The following GPR108 variants were observed in gnomAD, a reference collection of about 807,000 sequenced individuals.
GPR108 encodes the protein protein GPR108.
In GPR108, 60 loss-of-function variants were observed where a neutral mutation model predicts 74.3. The ratio of observed to expected loss-of-function variants is 0.81; its 90% CI spans 0.66 to 1.00. The LOEUF (loss-of-function observed/expected upper bound fraction) is 1.00, where lower values mean the gene tolerates loss of function less well. Among genes scored for constraint, GPR108 ranks in the 50% least tolerant of loss-of-function variants. The pLI is 0.00. For missense variants in GPR108, 667 were observed against 703.3 expected (o/e 0.95, Z 0.58); for synonymous variants, 311 against 292.4 (o/e 1.06, Z -0.65).
Position 6,731,921 on chromosome 19 carries a change from G to T in GPR108, c.1270C>A (p.Leu424Ile), listed in dbSNP as rs200134847. The T allele has an allele frequency of 3.7e-6, 6 of 1,612,892 alleles. No individual in the cohort carries two copies. The highest frequency in any genetic ancestry group is 5.1e-6 in the Non-Finnish European group (6 of 1,179,846). Residue 424 changes from leucine to isoleucine, a missense_variant, in exon 14 of 18, where the codon CTC becomes ATC. Coordinates refer to ENST00000264080, the MANE Select transcript of GPR108 (RefSeq NM_001080452.2). ...CCGTCTGTGCCAGACGCATCCTGGA[G>T]ATGCCGGATGGACCTGGGACAAGTG... ...LFPVVWSIRHLQDASGTDGKV... is the reference protein window; with the variant it reads ...LFPVVWSIRHIQDASGTDGKV...
chr19:6,733,744 G>A (rs1968518618), intron 7 of GPR108, 70 bp from the exon 8 acceptor site: 3 of 1,577,692 alleles, frequency 1.9e-6, no homozygotes, highest in Non-Finnish European at 2.6e-6. Flanking sequence ...TCAGCTTGGG[G>A]GTCCCATGGT....
intron 2 of GPR108, 37 bp from the exon 3 acceptor site, chr19:6,735,995 A>G: frequency 6.4e-7 from 1 of 1,570,362 alleles, no homozygotes; most frequent in Non-Finnish European, 8.7e-7. Context: ...GGTGTGAGGG[A>G]CAGTAGAGAC....
Position 6,730,980 on chromosome 19 carries a change from A to G in GPR108, c.1559+7T>C. 2.3e-6 allele frequency: 3 copies of G among 1,327,204 alleles called. No individual in the cohort carries two copies. The highest frequency in any genetic ancestry group is 3.0e-6 in the Non-Finnish European group (3 of 1,009,692). 82.2% of individuals were successfully genotyped at this position (1,327,204 alleles called of 1,614,324 possible). On this transcript the variant is annotated splice_region_variant and intron_variant, in intron 17 of 17. Coordinates refer to ENST00000264080, the MANE Select transcript of GPR108 (RefSeq NM_001080452.2). The stretch of plus-strand genomic sequence containing the variant: ...GCCGCCGGCCCTGCCCATGGTGCCC[A>G]GCTCACACTTGCTCCATCTGAACAT...
chr19:6,732,792 C>T, intron 10 of GPR108, 195 bp downstream of exon 10: 1 of 649,764 alleles, frequency 1.5e-6, no homozygotes, highest in Non-Finnish European at 2.8e-6. Context: ...AACCAAGGGA[C>T]AGTGGTGGAC....
intron 1 of GPR108, 190 bp from the exon 2 acceptor site, chr19:6,736,901 C>G: frequency 1.3e-6 from 1 of 741,842 alleles, no homozygotes; most frequent in African/African-American, 1.8e-5. Flanking sequence ...ATTCTCCGAC[C>G]TCTGTTCTGA....
Position 6,734,049 on chromosome 19 carries a change from T to A in GPR108, c.505A>T (p.Thr169Ser). Reference sequence around the variant, plus strand: ...GACTTGGGCTTGCTGGCTGCAGAGGTCCCTCCTGTAAGAGACCGGGCAGTG... The same window carrying A: ...GACTTGGGCTTGCTGGCTGCAGAGGACCCTCCTGTAAGAGACCGGGCAGTG... ...TVPRKVDGGG[T>S]SAASKPKSTP... The change falls in exon 6 of 18, where the codon ACC becomes TCC. Residue 169 changes from threonine (T) to serine (S), a missense_variant. Physicochemically the swap from Thr to Ser is moderately conservative, Grantham distance 58. Coordinates refer to ENST00000264080, the MANE Select transcript of GPR108 (RefSeq NM_001080452.2). 1 of 1,613,880 alleles carries A rather than the reference T, an allele frequency of 6.2e-7. No individual in the cohort carries two copies. The highest frequency in any genetic ancestry group is 8.5e-7 in the Non-Finnish European group (1 of 1,179,954).
Position 6,736,109 on chromosome 19 carries a change from G to C in GPR108, c.241-151C>G, listed in dbSNP as rs1968623958. ...CGCTCTTTTTCTTTTTTAGAGTTGG[G>C]GTGGTGGGTGGACCTCATTCTGTTT... On this transcript the variant is annotated intron_variant, in intron 2 of 17. Transcript: ENST00000264080. 5.7e-6 allele frequency: 4 copies of C among 698,092 alleles called. No homozygotes were observed. The East Asian group carries it at 1.1e-4, about 19-fold the overall frequency. The allele number at this position is 698,092 out of a possible 1,614,324, so 43.2% of individuals were successfully genotyped here.
intron 10 of GPR108, 83 bp from the exon 11 acceptor site, chr19:6,732,632 ACC>A (rs1968464710): frequency 1.9e-6 from 2 of 1,054,756 alleles, no homozygotes; most frequent in South Asian, 2.6e-5. Flanking sequence ...AGGAACACGG[ACC>A]GTCACCATCA....
Position 6,735,901 on chromosome 19 carries a change from C to T in GPR108, c.291+7G>A, listed in dbSNP as rs1236174575. 1 of 1,611,490 alleles carries T rather than the reference C, an allele frequency of 6.2e-7. No homozygotes were observed. The highest frequency in any genetic ancestry group is 8.5e-7 in the Non-Finnish European group (1 of 1,178,636). ...CTTCTCCCGTCTTCCCCATGCCCTC[C>T]ACTCACTGAATAGGAGCGAACTCTG... is the stretch of plus-strand genomic sequence containing the variant. On this transcript the variant is annotated splice_region_variant and intron_variant, in intron 3 of 17. Coordinates refer to ENST00000264080, the MANE Select transcript of GPR108 (RefSeq NM_001080452.2).
At position 6,734,221 on chromosome 19, in the gene GPR108, G is replaced by C. The variant is rs139348331; in HGVS notation, c.461C>G (p.Pro154Arg). The change falls in exon 5 of 18, where the codon CCG (proline) becomes CGG (arginine). Residue 154 changes from proline to arginine, a missense_variant. Pro to Arg is a moderately radical substitution (Grantham distance 103). Coordinates refer to ENST00000264080, the MANE Select transcript of GPR108 (RefSeq NM_001080452.2). ...LPEAPSKPGLPKPQATVPRKV... is the reference protein window; with the variant it reads ...LPEAPSKPGLRKPQATVPRKV... The stretch of plus-strand genomic sequence containing the variant: ...GCGGGGGACTGTGGCCTGTGGCTTC[G>C]GGAGCCCTGGTTTGGAGGGTGCTTC... 7 of 1,614,072 alleles carry C rather than the reference G, an allele frequency of 4.3e-6. No individual in the cohort carries two copies. The African/African-American group carries it at 5.3e-5, about 12-fold the overall frequency.
Position 6,732,561 on chromosome 19 carries a change from T to C in GPR108, c.934-12A>G, listed in dbSNP as rs779397447. ...AAGTAGTAGTTGATCTGGGGGTGGATGGACAGACGGACAGTGAGGCGCACA... is the reference window on the plus strand; with the variant it reads ...AAGTAGTAGTTGATCTGGGGGTGGACGGACAGACGGACAGTGAGGCGCACA... On this transcript the variant is annotated splice_polypyrimidine_tract_variant and intron_variant, in intron 10 of 17. Transcript: ENST00000264080. 3 of 1,608,636 alleles carry C rather than the reference T, an allele frequency of 1.9e-6. No individual in the cohort carries two copies. The highest frequency in any genetic ancestry group is 2.2e-5 in the East Asian group (1 of 44,788).
intron 17 of GPR108, chr19:6,730,703 G>GC: frequency 7.8e-6 from 1 of 128,728 alleles, no homozygotes; most frequent in South Asian, 7.4e-5. Context: ...CCTAGGCCCC[G>GC]CCCACCCCCG....
intron 8 of GPR108, 72 bp downstream of exon 8, chr19:6,733,498 G>T (rs1438203650): frequency 1.3e-6 from 2 of 1,489,088 alleles, no homozygotes; most frequent in Non-Finnish European, 1.9e-6. Context: ...AGCTAAGCGG[G>T]GTGAGGCACT....
intron 5 of GPR108, 55 bp downstream of exon 5, chr19:6,734,128 G>T: frequency 6.2e-7 from 1 of 1,614,198 alleles, no homozygotes; most frequent in East Asian, 2.2e-5. Flanking sequence ...GGCATGGGGA[G>T]TGCAAAGGGC....
chr19:6,736,173 C>T (rs915396949), intron 2 of GPR108, among the ~76,000 whole-genome samples: 9 of 152,162 alleles, frequency 5.9e-5, no homozygotes, highest in African/African-American at 1.4e-4. Flanking sequence ...TAGCTCACTA[C>T]AGCCTCGAAC....
rs539975734 is a variant in GPR108, at chr19:6,731,621, G to C, written c.1301-99C>G. The C allele has an allele frequency of 4.7e-4, 483 of 1,018,510 alleles. 2 individuals are homozygous for C. In the East Asian group the frequency reaches 9.4e-3, roughly 20 times the overall value. The allele number at this position is 1,018,510 out of a possible 1,614,324, so 63.1% of individuals were successfully genotyped here. A position where few individuals can be genotyped will look rare whatever the true frequency, so the allele number is the denominator to read the frequency against. On this transcript the variant is annotated intron_variant, in intron 14 of 17. Coordinates refer to ENST00000264080, the MANE Select transcript of GPR108 (RefSeq NM_001080452.2). ...AGAGGTGACAAACAGAACATCTGAGGGAGTGTCCAGGAGCAGCAAGTCTCG... is the reference window on the plus strand; with the variant it reads ...AGAGGTGACAAACAGAACATCTGAGCGAGTGTCCAGGAGCAGCAAGTCTCG...
intron 4 of GPR108, 102 bp from the exon 5 acceptor site, chr19:6,734,409 T>C (rs1436617780): frequency 3.5e-6 from 4 of 1,150,176 alleles, no homozygotes; most frequent in African/African-American, 1.5e-5. Context: ...GTGTCCTCCC[T>C]GAGGGGCGGG....
At chr19:6,733,114 G>A (rs772313423) in intron 9 of GPR108, 52 bp from the exon 10 acceptor site, 3 of 1,613,552 alleles carry the variant, frequency 1.9e-6, no homozygotes, top group East Asian at 4.5e-5. Flanking sequence ...GCAGAGCATA[G>A]GGATGGGGGT....
chr19:6,735,647 A>G lies in GPR108; in HGVS notation c.349T>C (p.Phe117Leu). The change falls in exon 4 of 18, where the codon TTC (phenylalanine) becomes CTC (leucine). Residue 117 changes from phenylalanine to leucine, a missense_variant. Coordinates refer to ENST00000264080, the MANE Select transcript of GPR108 (RefSeq NM_001080452.2). ...QKNSSSFLVL[F>L]LINTKDLQVQ... ...TGCAGATCCTTGGTGTTGATGAGGA[A>G]CAGGACCAGGAAACTGCTACTGTTT... 1 of 1,614,084 alleles carries G rather than the reference A, an allele frequency of 6.2e-7. No individual in the cohort carries two copies. The highest frequency in any genetic ancestry group is 8.5e-7 in the Non-Finnish European group (1 of 1,180,012).
Sources: allele counts gnomAD v4.1 joint callset (sites outside exome capture counted in the v4.1 genomes callset), GRCh38; gene constraint gnomAD v4.1.1; transcripts MANE v1.5; gene names NCBI Gene and HGNC (gene_info 2026-07-23, HGNC 2026-07-21).